The following NLK variants were observed in gnomAD, a reference collection of about 807,000 sequenced individuals.
NLK encodes the protein serine/threonine-protein kinase NLK.
Under a neutral mutation model 59.0 loss-of-function variants are expected in NLK, and 11 were observed. The observed-to-expected ratio is 0.19, with a 90% CI of 0.12 to 0.31. The LOEUF is 0.31. NLK is among the 10% of genes least tolerant of loss of function. The pLI is 1.00. For missense variants in NLK, 410 were observed against 661.1 expected, an observed-to-expected ratio of 0.62 and a Z score of 4.16; for synonymous variants, 235 against 235.9, an observed-to-expected ratio of 1.00 and a Z score of 0.03.
chr17:28,136,680 T>G (rs1002948371), intron 3 of NLK, among the ~76,000 whole-genome samples: 8 of 152,178 alleles, frequency 5.3e-5, no homozygotes, highest in Non-Finnish European at 1.0e-4. Context: ...CTCGGCTTAC[T>G]GCAACCTCCA....
chr17:28,088,428 AT>A (rs1904359675), intron 1 of NLK, among the ~76,000 whole-genome samples: 1 of 152,132 alleles, frequency 6.6e-6, no homozygotes, highest in Non-Finnish European at 1.5e-5. Context: ...TTCATTTTCT[AT>A]TTGATTACTT....
At chr17:28,171,793 T>G (rs1908472022) in intron 6 of NLK, among the ~76,000 whole-genome samples, 1 of 152,154 alleles carries the variant, frequency 6.6e-6, no homozygotes, top group Non-Finnish European at 1.5e-5. Context: ...GGAGTTCAAC[T>G]TTGCAAAGAT....
intron 1 of NLK, among the ~76,000 whole-genome samples, chr17:28,075,727 A>G (rs1452692094): frequency 1.3e-5 from 2 of 152,108 alleles, no homozygotes; most frequent in South Asian, 2.1e-4. Flanking sequence ...TTCTTAGCTT[A>G]TGTTTTGGGT....
At chr17:28,123,558 T>A (rs1199948117) in intron 2 of NLK, among the ~76,000 whole-genome samples, 1 of 152,228 alleles carries the variant, frequency 6.6e-6, no homozygotes, top group Non-Finnish European at 1.5e-5. Flanking sequence ...ATTTATATAG[T>A]GAGTGATTTA....
intron 8 of NLK, among the ~76,000 whole-genome samples, chr17:28,187,424 T>G (rs1456949214): frequency 6.6e-6 from 1 of 152,202 alleles, no homozygotes; most frequent in East Asian, 1.9e-4. Flanking sequence ...TGCCTCAGCC[T>G]CCTGAGTAGC....
At chr17:28,084,323 A>G (rs773077786) in intron 1 of NLK, among the ~76,000 whole-genome samples, 5 of 152,186 alleles carry the variant, frequency 3.3e-5, no homozygotes, top group African/African-American at 1.2e-4. Context: ...TGCAGCACAT[A>G]CTTATTGATA....
Position 28,172,605 on chromosome 17 carries a change from G to A in NLK, c.1136G>A (p.Gly379Asp). 6.4e-7 allele frequency: 1 copy of A among 1,563,344 alleles called. No homozygotes were observed. Among genetic ancestry groups the A allele is most frequent in the South Asian group, 1.2e-5 (1 of 82,372 alleles). The change falls in exon 7 of 11, where the codon GGT (glycine) becomes GAT (aspartate). Residue 379 changes from glycine (G) to aspartate (D), a missense_variant. Around this residue, in one of 5 missense-constraint regions of NLK, gnomAD observed 150 missense variants for 244.3 expected, o/e 0.61. Transcript: ENST00000407008. ...CEGAKAHILRGPHKQPSLPVL... is the reference protein window; with the variant it reads ...CEGAKAHILRDPHKQPSLPVL... The stretch of plus-strand genomic sequence containing the variant: ...GGCGCTAAGGCACATATACTCAGGG[G>A]TCCTCATAAACAGGTGAGAGGAGGG...
chr17:28,090,682 A>G (rs1422554567), intron 1 of NLK, among the ~76,000 whole-genome samples: 1 of 152,092 alleles, frequency 6.6e-6, no homozygotes, highest in African/African-American at 2.4e-5. Context: ...GAGCTTGTTA[A>G]AAACATAGCG....
At chr17:28,111,896 G>GGT (rs747211468) in intron 1 of NLK, among the ~76,000 whole-genome samples, 6,214 of 67,320 alleles carry the variant, frequency 0.092, 590 homozygotes, top group Middle Eastern at 0.14. Flanking sequence ...GTGTGTGTGT[G>GGT]GTGTGTGTGT....
chr17:28,198,157 GAC>G (rs1909530681), downstream of NLK, among the ~76,000 whole-genome samples: 1 of 152,166 alleles, frequency 6.6e-6, no homozygotes, highest in South Asian at 2.1e-4. Context: ...GTCTTTTTGA[GAC>G]AGAGTCTTGC....
At chr17:28,063,394 A>T (rs778783308) in intron 1 of NLK, among the ~76,000 whole-genome samples, 10 of 152,202 alleles carry the variant, frequency 6.6e-5, no homozygotes, top group Non-Finnish European at 1.3e-4. Context: ...GAGGAAAAAG[A>T]ATTTAAAATC....
chr17:28,157,496 C>G (rs2142044489), intron 3 of NLK, among the ~76,000 whole-genome samples: 1 of 152,030 alleles, frequency 6.6e-6, no homozygotes, highest in African/African-American at 2.4e-5. Flanking sequence ...CGGCCTATTT[C>G]TTAAACTTTT....
chr17:28,043,293 G>T lies in NLK; in HGVS notation c.420G>T (p.Pro140=), dbSNP rs776723487. 1.2e-5 allele frequency: 19 copies of T among 1,596,990 alleles called. No homozygotes were observed. The highest frequency in any genetic ancestry group is 1.6e-5 in the Non-Finnish European group (19 of 1,173,056). ...HHPQQQLDIE[P]DRPIGYGAFG... is the part of the protein sequence containing the mutation. ...CACAGCAGCAGCTGGATATTGAGCC[G>T]GATAGACCTATTGGATATGGAGCCT... Residue 140 remains proline (P), a synonymous_variant, in exon 1 of 11, where the codon CCG becomes CCT. Coordinates refer to ENST00000407008, the MANE Select transcript of NLK (RefSeq NM_016231.5).
At chr17:28,062,187 C>G in intron 1 of NLK, 1 of 151,970 alleles carries the variant, frequency 6.6e-6, no homozygotes, top group East Asian at 1.9e-4. Context: ...GATGGAGCAG[C>G]CTGTTGGCAT....
intron 6 of NLK, among the ~76,000 whole-genome samples, chr17:28,169,393 G>A (rs1203312092): frequency 6.6e-6 from 1 of 152,088 alleles, no homozygotes; most frequent in African/African-American, 2.4e-5. Context: ...GAACATTTAG[G>A]AAAATTTCTA....
chr17:28,137,587 A>C (rs1180234353), intron 3 of NLK, among the ~76,000 whole-genome samples: 1 of 152,160 alleles, frequency 6.6e-6, no homozygotes, highest in Admixed American at 6.5e-5. Flanking sequence ...TTCTGTGTGC[A>C]TTTTGATGTA....
the NLK span, among the ~76,000 whole-genome samples, chr17:28,204,226 G>A: frequency 6.6e-6 from 1 of 152,222 alleles, no homozygotes; most frequent in African/African-American, 2.4e-5. Context: ...GGCCAACCCA[G>A]TCATCCTAGC....
chr17:28,051,677 T>C (rs1384082110), intron 1 of NLK, among the ~76,000 whole-genome samples: 1 of 150,292 alleles, frequency 6.7e-6, no homozygotes, highest in Non-Finnish European at 1.5e-5. Flanking sequence ...TTTTAAACAA[T>C]GGGGTAATAG....
chr17:28,202,840 G>A, the NLK span, among the ~76,000 whole-genome samples: 5 of 151,664 alleles, frequency 3.3e-5, no homozygotes, highest in East Asian at 3.9e-4. Context: ...TCACCACCAC[G>A]CCCAGCTAAT....
Sources: allele counts gnomAD v4.1 joint callset (sites outside exome capture counted in the v4.1 genomes callset), GRCh38; gene constraint gnomAD v4.1.1; regional missense constraint gnomAD v4.1.1; transcripts MANE v1.5; gene names NCBI Gene and HGNC (gene_info 2026-07-23, HGNC 2026-07-21).